Variants in GABRG3 observed in about 807,000 individuals in gnomAD.
GABRG3 encodes gamma-aminobutyric acid receptor subunit gamma-3.
GABRG3 carries 25 observed loss-of-function variants against 48.8 expected under a neutral mutation model. The ratio of observed to expected loss-of-function variants is 0.51; its 90% CI spans 0.37 to 0.72. The LOEUF is 0.72. Ranked by LOEUF, GABRG3 falls within the 30% of genes least tolerant of loss-of-function variation. The pLI, the probability that GABRG3 is intolerant of heterozygous loss-of-function variation, is 0.00. For synonymous variants in GABRG3, 227 were observed against 217.6 expected (o/e 1.04, Z -0.38); for missense variants, 394 against 577.9 (o/e 0.68, Z 3.26).
At chr15:27,041,468 AC>A (rs1433933452) in intron 3 of GABRG3, among the ~76,000 whole-genome samples, 1 of 152,154 alleles carries the variant, frequency 6.6e-6, no homozygotes, top group Non-Finnish European at 1.5e-5. Flanking sequence ...GGTGTGAGCC[AC>A]CACGCCCAGC....
At chr15:26,997,060 C>T (rs1001677561) in intron 2 of GABRG3, among the ~76,000 whole-genome samples, 1 of 152,134 alleles carries the variant, frequency 6.6e-6, no homozygotes, top group Non-Finnish European at 1.5e-5. Flanking sequence ...GATTTATCCA[C>T]AAGTTTGATG....
intron 3 of GABRG3, among the ~76,000 whole-genome samples, chr15:27,270,749 A>G (rs1400130839): frequency 6.6e-6 from 1 of 152,224 alleles, no homozygotes; most frequent in Non-Finnish European, 1.5e-5. Flanking sequence ...ATCACCAAAA[A>G]GAAATGGCTA....
intron 5 of GABRG3, among the ~76,000 whole-genome samples, chr15:27,479,830 TA>T (rs1890053525): frequency 6.6e-6 from 1 of 152,090 alleles, no homozygotes; most frequent in Non-Finnish European, 1.5e-5. Context: ...GATCAGGCAG[TA>T]AAAAGAGAGC....
intron 3 of GABRG3, among the ~76,000 whole-genome samples, chr15:27,183,088 T>TGAAATATTA (rs1887983754): frequency 6.6e-6 from 1 of 152,212 alleles, no homozygotes; most frequent in African/African-American, 2.4e-5. Context: ...GTCTAATTTG[T>TGAAATATTA]GAAATATTAT....
rs567986057 is a variant in GABRG3, at chr15:27,094,752, A to G, written c.270+67931A>G. Among the ~76,000 whole-genome samples, 3 of 152,360 alleles carry G rather than the reference A, an allele frequency of 2.0e-5. No homozygotes were observed. The South Asian group carries it at 6.2e-4, about 32-fold the overall frequency. Reference sequence around the variant, plus strand: ...GCAGCACTTTTATGCTTTGTGCAGCATAAACTCAAAAGATTTGCTTTTCTG... The same window carrying G: ...GCAGCACTTTTATGCTTTGTGCAGCGTAAACTCAAAAGATTTGCTTTTCTG... On this transcript the variant is annotated intron_variant, in intron 3 of 9. Coordinates refer to ENST00000615808, the MANE Select transcript of GABRG3 (RefSeq NM_033223.5).
intron 5 of GABRG3, among the ~76,000 whole-genome samples, chr15:27,391,009 G>A (rs1896206729): frequency 6.6e-6 from 1 of 151,774 alleles, no homozygotes; most frequent in Non-Finnish European, 1.5e-5. Context: ...AATTGCTTGA[G>A]CCCAGGAGAC....
At chr15:27,047,657 A>C (rs1265762977) in intron 3 of GABRG3, among the ~76,000 whole-genome samples, 1 of 152,222 alleles carries the variant, frequency 6.6e-6, no homozygotes, top group Non-Finnish European at 1.5e-5. Context: ...AAGCCTCCTT[A>C]TAAAACAGTT....
intron 2 of GABRG3, among the ~76,000 whole-genome samples, chr15:27,025,131 C>T (rs1029366400): frequency 1.7e-4 from 26 of 151,334 alleles, no homozygotes; most frequent in African/African-American, 6.3e-4. Flanking sequence ...TTATCTCTTA[C>T]ACCCTTCATG....
At chr15:27,318,562 C>T (rs1201628396) in intron 3 of GABRG3, among the ~76,000 whole-genome samples, 1 of 152,182 alleles carries the variant, frequency 6.6e-6, no homozygotes, top group African/African-American at 2.4e-5. Context: ...CAGCCCATCC[C>T]TAGGGCCGAT....
intron 3 of GABRG3, among the ~76,000 whole-genome samples, chr15:27,079,296 C>A (rs1201794725): frequency 6.6e-6 from 1 of 150,766 alleles, no homozygotes; most frequent in Non-Finnish European, 1.5e-5. Context: ...AAGATAGTGC[C>A]AAAAAAAAGG....
At chr15:27,363,879 T>C (rs949100262) in intron 5 of GABRG3, 1 of 152,248 alleles carries the variant, frequency 6.6e-6, no homozygotes, top group East Asian at 1.9e-4. Flanking sequence ...GACAGACAGG[T>C]TGTGGCAGTG....
At chr15:27,182,037 G>A (rs185633453) in intron 3 of GABRG3, among the ~76,000 whole-genome samples, 107 of 151,350 alleles carry the variant, frequency 7.1e-4, no homozygotes, top group South Asian at 3.7e-3. Context: ...AAAACAAAAT[G>A]CAACCCCATT....
chr15:27,349,842 C>G (rs1297146102), intron 5 of GABRG3, among the ~76,000 whole-genome samples: 1 of 152,066 alleles, frequency 6.6e-6, no homozygotes, highest in South Asian at 2.1e-4. Flanking sequence ...GATTCTCTCT[C>G]CCCGGGACAT....
chr15:27,006,496 C>T (rs772420372), intron 2 of GABRG3, among the ~76,000 whole-genome samples: 9 of 152,122 alleles, frequency 5.9e-5, no homozygotes, highest in Non-Finnish European at 1.2e-4. Flanking sequence ...CCACTGTGCC[C>T]GGCCCTCTTC....
chr15:27,483,943 CT>C (rs1009273214), intron 6 of GABRG3, among the ~76,000 whole-genome samples: 1 of 151,600 alleles, frequency 6.6e-6, no homozygotes, highest in African/African-American at 2.4e-5. Context: ...ACTTTTTTTT[CT>C]TTTTTTTGAG....
At chr15:27,415,996 ACT>A (rs1887930569) in intron 5 of GABRG3, among the ~76,000 whole-genome samples, 1 of 152,064 alleles carries the variant, frequency 6.6e-6, no homozygotes, top group South Asian at 2.1e-4. Flanking sequence ...TTTCTAGCCC[ACT>A]TTTCCCATTC....
chr15:27,194,841 G>T (rs973598164), intron 3 of GABRG3, among the ~76,000 whole-genome samples: 2 of 152,084 alleles, frequency 1.3e-5, no homozygotes, highest in African/African-American at 4.8e-5. Flanking sequence ...ACTTCCAATA[G>T]TGTTTCAATC....
chr15:27,250,323 A>G (rs903662646), intron 3 of GABRG3, among the ~76,000 whole-genome samples: 1 of 152,210 alleles, frequency 6.6e-6, no homozygotes, highest in Admixed American at 6.5e-5. Flanking sequence ...GCTTACATTT[A>G]ATCAAGTTAA....
chr15:27,075,014 G>A (rs1330119835), intron 3 of GABRG3, among the ~76,000 whole-genome samples: 1 of 152,154 alleles, frequency 6.6e-6, no homozygotes. Context: ...CAAAGGTGAG[G>A]TTGAAGGACA....
Sources: allele counts gnomAD v4.1 joint callset (sites outside exome capture counted in the v4.1 genomes callset), GRCh38; gene constraint gnomAD v4.1.1; transcripts MANE v1.5; gene names NCBI Gene and HGNC (gene_info 2026-07-23, HGNC 2026-07-21).